Variants in EXOC4 observed in about 807,000 individuals in gnomAD.
The protein encoded by EXOC4 is exocyst complex component 4.
EXOC4 carries 71 observed loss-of-function variants against 107.2 expected under a neutral mutation model. That is an observed-to-expected ratio of 0.66 (90% CI 0.55 to 0.81). The LOEUF (loss-of-function observed/expected upper bound fraction) is 0.81. EXOC4 is among the 30% of genes least tolerant of loss of function. The pLI, the probability that EXOC4 is intolerant of heterozygous loss-of-function variation, is 0.00. For synonymous variants in EXOC4, 456 were observed against 441.2 expected (o/e 1.03, Z -0.42); for missense variants, 1,108 against 1,189.6 (o/e 0.93, Z 1.01).
At chr7:133,575,515 T>G (rs553664072) in intron 9 of EXOC4, among the ~76,000 whole-genome samples, 7 of 152,346 alleles carry the variant, frequency 4.6e-5, no homozygotes, top group South Asian at 4.1e-4. Flanking sequence ...TGAAATAGTT[T>G]GTTGATTTAA....
chr7:134,030,117 G>A (rs1015228166), intron 17 of EXOC4, among the ~76,000 whole-genome samples: 1 of 152,162 alleles, frequency 6.6e-6, no homozygotes, highest in African/African-American at 2.4e-5. Flanking sequence ...ACACAGTATA[G>A]CACAGTAGAC....
At chr7:133,469,191 G>A (rs1244669784) in intron 7 of EXOC4, among the ~76,000 whole-genome samples, 1 of 152,166 alleles carries the variant, frequency 6.6e-6, no homozygotes, top group African/African-American at 2.4e-5. Flanking sequence ...GCTGAGGCAG[G>A]TGGATCACGA....
chr7:134,036,300 A>T (rs765917353), intron 17 of EXOC4, among the ~76,000 whole-genome samples: 62 of 152,182 alleles, frequency 4.1e-4, no homozygotes, highest in Non-Finnish European at 7.2e-4. Flanking sequence ...CAAAATCCTC[A>T]GAGCTGCCCG....
intron 10 of EXOC4, among the ~76,000 whole-genome samples, chr7:133,717,817 A>G (rs138011391): frequency 6.6e-6 from 1 of 152,194 alleles, no homozygotes; most frequent in Non-Finnish European, 1.5e-5. Flanking sequence ...CAAAATTAAC[A>G]TTTGTGAAAA....
At chr7:133,457,503 G>T (rs1195897254) in intron 7 of EXOC4, among the ~76,000 whole-genome samples, 2 of 152,142 alleles carry the variant, frequency 1.3e-5, no homozygotes, top group Non-Finnish European at 2.9e-5. Context: ...TCCTTAGGTA[G>T]CTCGCCATAT....
At chr7:133,373,296 G>A (rs1001942215) in intron 6 of EXOC4, among the ~76,000 whole-genome samples, 1 of 152,170 alleles carries the variant, frequency 6.6e-6, no homozygotes, top group African/African-American at 2.4e-5. Context: ...TTAGATATAT[G>A]TGAGTATAAA....
chr7:133,441,737 C>T (rs745431091), intron 7 of EXOC4, among the ~76,000 whole-genome samples: 69 of 152,178 alleles, frequency 4.5e-4, no homozygotes, highest in Admixed American at 6.5e-4. Context: ...ATCACTTCCT[C>T]TAAGGTTCCA....
chr7:133,276,173 C>T (rs1164058953), intron 2 of EXOC4, among the ~76,000 whole-genome samples: 1 of 151,656 alleles, frequency 6.6e-6, no homozygotes, highest in African/African-American at 2.4e-5. Context: ...TACTTTCTTC[C>T]TTTTGCTGTA....
At chr7:133,859,334 T>C (rs1461059657) in intron 11 of EXOC4, among the ~76,000 whole-genome samples, 1 of 152,180 alleles carries the variant, frequency 6.6e-6, no homozygotes, top group African/African-American at 2.4e-5. Flanking sequence ...TTTCTGAATA[T>C]GACAACCATC....
chr7:133,471,525 C>T (rs1295174580), intron 7 of EXOC4, among the ~76,000 whole-genome samples: 1 of 151,860 alleles, frequency 6.6e-6, no homozygotes, highest in African/African-American at 2.4e-5. Flanking sequence ...GAGAGGCAAA[C>T]AATGAAGCAA....
intron 9 of EXOC4, among the ~76,000 whole-genome samples, chr7:133,503,692 A>G (rs1201538441): frequency 6.6e-6 from 1 of 152,170 alleles, no homozygotes; most frequent in African/African-American, 2.4e-5. Context: ...ACATTTGCGG[A>G]AATAATTTAT....
intron 14 of EXOC4, among the ~76,000 whole-genome samples, chr7:133,970,207 A>G (rs1801171114): frequency 6.6e-6 from 1 of 152,132 alleles, no homozygotes; most frequent in Admixed American, 6.5e-5. Context: ...ACCAAGCTCA[A>G]GTGTCCCAGG....
At chr7:133,543,641 A>C (rs1800423916) in intron 9 of EXOC4, among the ~76,000 whole-genome samples, 1 of 152,060 alleles carries the variant, frequency 6.6e-6, no homozygotes, top group Non-Finnish European at 1.5e-5. Context: ...CTAGCCTTTA[A>C]TATTTTAGTG....
chr7:133,920,427 GT>G (rs760302865), intron 13 of EXOC4, among the ~76,000 whole-genome samples: 61 of 152,036 alleles, frequency 4.0e-4, no homozygotes, highest in East Asian at 2.7e-3. Flanking sequence ...TAATTATTTT[GT>G]ATGGTTCCAT....
chr7:133,505,591 C>G (rs545918281), intron 9 of EXOC4, among the ~76,000 whole-genome samples: 1 of 152,064 alleles, frequency 6.6e-6, no homozygotes, highest in Admixed American at 6.6e-5. Flanking sequence ...ATTATATGAA[C>G]CTTCTGTGAG....
At chr7:133,478,985 G>A (rs1799088522) in intron 8 of EXOC4, 2 of 152,116 alleles carry the variant, frequency 1.3e-5, no homozygotes, top group Non-Finnish European at 2.9e-5. Context: ...ATTCATCTCA[G>A]TATTCATGTT....
At chr7:133,829,081 A>G (rs1242445867) in intron 11 of EXOC4, among the ~76,000 whole-genome samples, 1 of 152,314 alleles carries the variant, frequency 6.6e-6, no homozygotes, top group East Asian at 1.9e-4. Flanking sequence ...GTAGAAACGA[A>G]GAAGGCAGAG....
rs565992557 is a variant in EXOC4 at position 133,458,444 on chromosome 7, T to C, written c.1183-16884T>C. On this transcript the variant is annotated intron_variant, in intron 7 of 17. Coordinates refer to ENST00000253861, the MANE Select transcript of EXOC4 (RefSeq NM_021807.4). ...GAGATGTCATATTCATTTGTCAACA[T>C]GTCACTCCAGGGACACAGGTGCAGC... Among the ~76,000 whole-genome samples, 11 of 152,342 alleles carry C rather than the reference T, an allele frequency of 7.2e-5. No homozygotes were observed. The South Asian group carries it at 1.4e-3, about 20-fold the overall frequency.
chr7:133,692,667 T>C (rs1241675619), intron 10 of EXOC4, among the ~76,000 whole-genome samples: 2 of 152,188 alleles, frequency 1.3e-5, no homozygotes, highest in Non-Finnish European at 2.9e-5. Flanking sequence ...ATTTTAAAAG[T>C]CAATAGAGTT....
Sources: gnomAD v4.1 joint callset for allele counts (sites outside exome capture counted in the v4.1 genomes callset) on GRCh38, gnomAD v4.1.1 for gene constraint, MANE v1.5 for transcripts, NCBI Gene and HGNC (gene_info 2026-07-23, HGNC 2026-07-21) for gene names.